The following PACRG variants were observed in gnomAD, a reference collection of about 807,000 sequenced individuals.
The protein encoded by PACRG is parkin coregulated.
PACRG carries 29 observed loss-of-function variants against 29.7 expected under a neutral mutation model. The ratio of observed to expected loss-of-function variants is 0.98; its 90% confidence interval spans 0.73 to 1.33. The LOEUF (loss-of-function observed/expected upper bound fraction) is 1.33. Ranked by LOEUF, PACRG falls within the 40% of genes most tolerant of loss-of-function variation. PACRG has a pLI of 0.00. For synonymous variants in PACRG, 116 were observed against 118.7 expected (o/e 0.98, Z 0.15); for missense variants, 279 against 316.2 (o/e 0.88, Z 0.89).
intron 4 of PACRG, among the ~76,000 whole-genome samples, chr6:163,180,330 T>G (rs560353835): frequency 2.6e-5 from 4 of 152,354 alleles, no homozygotes; most frequent in African/African-American, 9.6e-5. Flanking sequence ...CGTTAAAATA[T>G]CACGAAGCCT....
intron 2 of PACRG, among the ~76,000 whole-genome samples, chr6:163,023,176 C>T (rs1169871429): frequency 1.3e-5 from 2 of 152,148 alleles, no homozygotes; most frequent in African/African-American, 2.4e-5. Flanking sequence ...AATCCCGTCA[C>T]CCTGGCCATG....
chr6:163,001,324 G>C (rs1161140884), intron 2 of PACRG, among the ~76,000 whole-genome samples: 1 of 152,238 alleles, frequency 6.6e-6, no homozygotes, highest in Non-Finnish European at 1.5e-5. Flanking sequence ...GGGGAGATCA[G>C]TGCTCTAGGA....
At chr6:163,290,403 C>A (rs1784560757) in intron 4 of PACRG, among the ~76,000 whole-genome samples, 1 of 151,770 alleles carries the variant, frequency 6.6e-6, no homozygotes, top group South Asian at 2.1e-4. Context: ...TTCCAAGGGA[C>A]CAAAAACGTT....
At chr6:162,917,781 C>T (rs1001268438) in intron 2 of PACRG, among the ~76,000 whole-genome samples, 4 of 152,120 alleles carry the variant, frequency 2.6e-5, no homozygotes, top group Non-Finnish European at 5.9e-5. Context: ...GGCCTAACCT[C>T]TCTCTCTCAC....
At chr6:163,250,142 A>G (rs868750235) in intron 4 of PACRG, among the ~76,000 whole-genome samples, 3 of 152,244 alleles carry the variant, frequency 2.0e-5, no homozygotes, top group South Asian at 2.1e-4. Flanking sequence ...CATTTTTGTA[A>G]ATGGTAGCTA....
chr6:162,930,302 T>G (rs1227483261), intron 2 of PACRG, among the ~76,000 whole-genome samples: 2 of 151,900 alleles, frequency 1.3e-5, no homozygotes, highest in East Asian at 3.9e-4. Context: ...TGTATAGATC[T>G]TTCACTCCTT....
intron 4 of PACRG, among the ~76,000 whole-genome samples, chr6:163,175,395 A>G (rs1169602414): frequency 1.3e-5 from 2 of 151,736 alleles, no homozygotes; most frequent in African/African-American, 4.8e-5. Flanking sequence ...TGATGCATTC[A>G]TTTGGGGTTG....
chr6:163,191,614 C>T (rs1321722563), intron 4 of PACRG: 1 of 456,094 alleles, frequency 2.2e-6, no homozygotes, highest in South Asian at 1.5e-5. Flanking sequence ...GCTGAGACCT[C>T]CTGACTCAGG....
At chr6:162,963,437 G>A (rs1187569463) in intron 2 of PACRG, among the ~76,000 whole-genome samples, 2 of 151,848 alleles carry the variant, frequency 1.3e-5, no homozygotes, top group Admixed American at 1.3e-4. Flanking sequence ...AAAATCATGT[G>A]TATATAATGA....
At chr6:163,035,640 C>A (rs1021884676) in intron 2 of PACRG, among the ~76,000 whole-genome samples, 1 of 150,520 alleles carries the variant, frequency 6.6e-6, no homozygotes, top group Admixed American at 6.6e-5. Flanking sequence ...AGTAAGACTC[C>A]ATGTCAAAAA....
chr6:162,923,157 G>C (rs1038954990), intron 2 of PACRG, among the ~76,000 whole-genome samples: 1 of 152,080 alleles, frequency 6.6e-6, no homozygotes, highest in African/African-American at 2.4e-5. Flanking sequence ...TATACTTGCT[G>C]GCCATTTGTA....
intron 4 of PACRG, among the ~76,000 whole-genome samples, chr6:163,120,611 G>A (rs533390652): frequency 6.6e-6 from 1 of 152,254 alleles, no homozygotes; most frequent in East Asian, 1.9e-4. Flanking sequence ...CCTACTATGT[G>A]CAAGGCAGAA....
intron 4 of PACRG, among the ~76,000 whole-genome samples, chr6:163,285,923 G>GACTCAGC (rs142464258): frequency 0.15 from 22,498 of 152,114 alleles, 1,963 homozygotes; most frequent in Non-Finnish European, 0.2. Flanking sequence ...GGGACTGAAT[G>GACTCAGC]ACTCCATCCC....
At chr6:163,179,321 A>C (rs977460867) in intron 4 of PACRG, 1 of 450,390 alleles carries the variant, frequency 2.2e-6, no homozygotes, top group Non-Finnish European at 4.5e-6. Flanking sequence ...TTGCTGAGCC[A>C]CTGCTCCCAA....
intron 2 of PACRG, among the ~76,000 whole-genome samples, chr6:163,021,613 C>G (rs1255965333): frequency 1.3e-5 from 2 of 152,160 alleles, no homozygotes; most frequent in Non-Finnish European, 2.9e-5. Context: ...CAATTAGCGT[C>G]TTTCCATTTC....
chr6:163,044,150 A>G (rs1291364768), intron 2 of PACRG, among the ~76,000 whole-genome samples: 1 of 150,572 alleles, frequency 6.6e-6, no homozygotes, highest in East Asian at 2.0e-4. Flanking sequence ...CAGCTTGCCT[A>G]TAATATGGGA....
At chr6:162,947,645 TATAC>T (rs200240733) in intron 2 of PACRG, among the ~76,000 whole-genome samples, 1,325 of 64,008 alleles carry the variant, frequency 0.021, 155 homozygotes, top group African/African-American at 0.026. Flanking sequence ...TATATATATA[TATAC>T]ACCCAAAGAT....
intron 4 of PACRG, among the ~76,000 whole-genome samples, chr6:163,134,290 G>A (rs909033867): frequency 6.6e-6 from 1 of 152,100 alleles, no homozygotes; most frequent in Non-Finnish European, 1.5e-5. Context: ...GCAAGTTCTG[G>A]TTCAAACGAA....
chr6:163,102,671 C>T (rs1438748562), intron 4 of PACRG, among the ~76,000 whole-genome samples: 3 of 152,150 alleles, frequency 2.0e-5, no homozygotes, highest in Admixed American at 1.3e-4. Context: ...CCAACCAAAG[C>T]GCATTAGAGA....
Sources: gnomAD v4.1 joint callset for allele counts (sites outside exome capture counted in the v4.1 genomes callset) on GRCh38, gnomAD v4.1.1 for gene constraint, MANE v1.5 for transcripts, NCBI Gene and HGNC (gene_info 2026-07-23, HGNC 2026-07-21) for gene names.